The following PEG3 variants were observed in gnomAD, a reference collection of about 807,000 sequenced individuals.
PEG3 encodes the protein paternally expressed 3.
Under a neutral mutation model 35.5 loss-of-function variants are expected in PEG3, and 23 were observed. The observed-to-expected ratio is 0.65, with a 90% CI of 0.47 to 0.92. The LOEUF (loss-of-function observed/expected upper bound fraction) is 0.92, where lower values mean the gene tolerates loss of function less well. PEG3 is among the 40% of genes least tolerant of loss of function. PEG3 has a pLI of 0.00. For missense variants in PEG3, 1,960 were observed against 1,985.3 expected (o/e 0.99, Z 0.24); for synonymous variants, 707 against 697.0 (o/e 1.01, Z -0.23).
chr19:56,838,895 G>C (rs982858172), intron 1 of PEG3, among the ~76,000 whole-genome samples: 1 of 152,124 alleles, frequency 6.6e-6, no homozygotes, highest in Non-Finnish European at 1.5e-5. Flanking sequence ...AACCGCAGCC[G>C]CCCCGATCAA....
intron 8 of PEG3, 124 bp downstream of exon 8, chr19:56,818,476 T>A: frequency 9.5e-7 from 1 of 1,048,078 alleles, no homozygotes; most frequent in Non-Finnish European, 1.4e-6. Context: ...CTTTCAAAGA[T>A]TTCTTATTAC....
chr19:56,829,240 A>T (rs113103167), intron 2 of PEG3, among the ~76,000 whole-genome samples: 5,796 of 151,264 alleles, frequency 0.038, 357 homozygotes, highest in African/African-American at 0.13. Context: ...GCTACTCAGG[A>T]GGCTGAGGCA....
rs1367219008 is a variant in PEG3, at chr19:56,821,644, A to G, written c.669+7T>C. The G allele has an allele frequency of 1.2e-6, 2 of 1,613,566 alleles. No individual in the cohort carries two copies. Among genetic ancestry groups the G allele is most frequent in the Non-Finnish European group, 1.7e-6 (2 of 1,179,896 alleles). ...CCTTTCTAGAAAGAGAGGAAACCTG[A>G]GCATACCTGAGATCGGGACTCATAA... On this transcript the variant is annotated splice_region_variant and intron_variant, in intron 7 of 9. Coordinates refer to ENST00000326441, the MANE Select transcript of PEG3 (RefSeq NM_006210.3).
chr19:56,822,655 A>G, intron 6 of PEG3, 98 bp downstream of exon 6: 1 of 1,501,890 alleles, frequency 6.7e-7, no homozygotes, highest in Non-Finnish European at 9.1e-7. Context: ...CTCCAAATGG[A>G]GCAGCAGAAA....
chr19:56,825,699 T>C (rs1375265202), intron 3 of PEG3, among the ~76,000 whole-genome samples: 3 of 152,124 alleles, frequency 2.0e-5, no homozygotes, highest in Non-Finnish European at 4.4e-5. Context: ...GGGAAAGAAA[T>C]CTAGGTCTGG....
chr19:56,840,142 G>C (rs2062829976), intron 1 of PEG3, among the ~76,000 whole-genome samples: 1 of 152,186 alleles, frequency 6.6e-6, no homozygotes, highest in Non-Finnish European at 1.5e-5. Flanking sequence ...GGGCTCCCGA[G>C]AGCCGCATTC....
intron 2 of PEG3, among the ~76,000 whole-genome samples, chr19:56,832,213 C>T (rs1476844809): frequency 2.0e-5 from 3 of 152,200 alleles, no homozygotes; most frequent in Admixed American, 6.5e-5. Context: ...ATTACTGTTT[C>T]CTAGCGTGTT....
chr19:56,823,835 AC>A (rs2060748335), intron 4 of PEG3, among the ~76,000 whole-genome samples, 156 bp from the exon 5 acceptor site: 1 of 151,844 alleles, frequency 6.6e-6, no homozygotes, highest in African/African-American at 2.4e-5. Context: ...GCGGCTTCCA[AC>A]CACTCCTGGC....
chr19:56,831,796 G>T, intron 2 of PEG3, among the ~76,000 whole-genome samples: 1 of 152,124 alleles, frequency 6.6e-6, no homozygotes, highest in East Asian at 1.9e-4. Flanking sequence ...CACACCCACT[G>T]GTTAACTTTG....
chr19:56,826,701 T>TA (rs1464180174), intron 2 of PEG3, among the ~76,000 whole-genome samples: 1 of 152,152 alleles, frequency 6.6e-6, no homozygotes, highest in Non-Finnish European at 1.5e-5. Flanking sequence ...AAGACAAAGA[T>TA]ATCACTAAGA....
At position 56,810,165 on chromosome 19, in the gene PEG3, C is replaced by A; in HGVS notation, c.*3510G>T. On this transcript the variant is annotated 3_prime_UTR_variant, in exon 10 of 10. Coordinates refer to ENST00000326441, the MANE Select transcript of PEG3 (RefSeq NM_006210.3). ...TATTAACAAACCAAAAACCTGTGCA[C>A]AGAAACAAGATGAAGAAAATATATC... 1.0e-6 allele frequency: 1 copy of A among 980,752 alleles called. No homozygotes were observed. The highest frequency in any genetic ancestry group is 4.7e-5 in the South Asian group (1 of 21,202). 60.8% of individuals were successfully genotyped at this position (980,752 alleles called of 1,614,324 possible). A position where few individuals can be genotyped will look rare whatever the true frequency, so the allele number is the denominator to read the frequency against.
chr19:56,816,738 A>G lies in PEG3; in HGVS notation c.1704T>C (p.Cys568=). The change falls in exon 10 of 10, where the codon TGT becomes TGC. Residue 568 remains cysteine (C), a synonymous_variant. Coordinates refer to ENST00000326441, the MANE Select transcript of PEG3 (RefSeq NM_006210.3). ...GKDKFYECRV[C]KETFLHSSAL... ...CAGAACTATGAAGGAAGGTTTCCTT[A>G]CACACCCTGCACTCGTAGAATTTGT... 2 of 1,614,154 alleles carry G rather than the reference A, an allele frequency of 1.2e-6. No individual in the cohort carries two copies. The highest frequency in any genetic ancestry group is 1.7e-6 in the Non-Finnish European group (2 of 1,180,018).
chr19:56,821,904 G>T, intron 6 of PEG3, 150 bp from the exon 7 acceptor site: 2 of 827,688 alleles, frequency 2.4e-6, no homozygotes, highest in Non-Finnish European at 3.8e-6. Flanking sequence ...AGCCTCTGAG[G>T]AGTCCCATAA....
Position 56,815,676 on chromosome 19 carries a change from G to A in PEG3, c.2766C>T (p.Phe922=), listed in dbSNP as rs200041700. The stretch of plus-strand genomic sequence containing the variant: ...CACGGACATTTGAGCTGGGAACAGA[G>A]AATTCGCCATCCTTCTTAAACTCAC... ...GSGEFKKDGE[F]SVPSSNVREY... Residue 922 remains phenylalanine, a synonymous_variant, in exon 10 of 10, where the codon TTC becomes TTT. Transcript: ENST00000326441. The A allele has an allele frequency of 6.2e-7, 1 of 1,614,164 alleles. No individual in the cohort carries two copies. The highest frequency in any genetic ancestry group is 2.2e-5 in the East Asian group (1 of 44,894).
Position 56,815,639 on chromosome 19 carries a change from C to T in PEG3, c.2803G>A (p.Ala935Thr), listed in dbSNP as rs769939656. The T allele has an allele frequency of 6.2e-7, 1 of 1,614,128 alleles. No individual in the cohort carries two copies. Among genetic ancestry groups the T allele is most frequent in the African/African-American group, 1.3e-5 (1 of 75,026 alleles). ...TCAATGTATTTCTTTTTAGCACGAGCCTTCTGGTATTCACGGACATTTGAG... is the reference window on the plus strand; with the variant it reads ...TCAATGTATTTCTTTTTAGCACGAGTCTTCTGGTATTCACGGACATTTGAG... ...PSSNVREYQK[A>T]RAKKKYIEHR... The change falls in exon 10 of 10, where the codon GCT becomes ACT. Residue 935 changes from alanine (A) to threonine (T), a missense_variant. Transcript: ENST00000326441.
chr19:56,810,559 T>C lies in PEG3; in HGVS notation c.*3116A>G. 1 of 941,884 alleles carries C rather than the reference T, an allele frequency of 1.1e-6. No individual in the cohort carries two copies. Among genetic ancestry groups the C allele is most frequent in the Non-Finnish European group, 1.3e-6 (1 of 790,356 alleles). The allele number at this position is 941,884 out of a possible 1,614,324, so 58.3% of individuals were successfully genotyped here. A position where few individuals can be genotyped will look rare whatever the true frequency, so the allele number is the denominator to read the frequency against. On this transcript the variant is annotated 3_prime_UTR_variant, in exon 10 of 10. Transcript: ENST00000326441. ...TCTTTACTGAATTTCCAAAGTTTTG[T>C]ATGAGTATGTATTATATTTGTAATG... is the stretch of plus-strand genomic sequence containing the variant.
At position 56,815,629 on chromosome 19, in the gene PEG3, T is replaced by C; in HGVS notation, c.2813A>G (p.Lys938Arg). Reference sequence around the variant, plus strand: ...GCTCCTATGCTCAATGTATTTCTTTTTAGCACGAGCCTTCTGGTATTCACG... The same window carrying C: ...GCTCCTATGCTCAATGTATTTCTTTCTAGCACGAGCCTTCTGGTATTCACG... ...NVREYQKARAKKKYIEHRSNE... is the reference protein window; with the variant it reads ...NVREYQKARARKKYIEHRSNE... Residue 938 changes from lysine (K) to arginine (R), a missense_variant, in exon 10 of 10, where the codon AAA (lysine) becomes AGA (arginine). Lys to Arg is a conservative substitution (Grantham distance 26, BLOSUM62 2). This residue lies in a region of PEG3 where 798 missense variants were observed against 782.4 expected (regional missense o/e 1.02). Coordinates refer to ENST00000326441, the MANE Select transcript of PEG3 (RefSeq NM_006210.3). 6.2e-7 allele frequency: 1 copy of C among 1,614,146 alleles called. No individual in the cohort carries two copies. The highest frequency in any genetic ancestry group is 8.5e-7 in the Non-Finnish European group (1 of 1,180,032).
rs2059999629 is a variant in PEG3, at chr19:56,816,601, AGGGCT to A, written c.1836_1840del (p.Ala613Ter). ...ACCATACATTTTCTGAAACTCATTA[AGGGCT>A]GGGCTGGGCCTAAAGGTTTCCCCGC... On this transcript the variant is annotated frameshift_variant, in exon 10 of 10. Coordinates refer to ENST00000326441, the MANE Select transcript of PEG3 (RefSeq NM_006210.3). LOFTEE classifies it low-confidence loss of function (END_TRUNC). The A allele has an allele frequency of 6.2e-7, 1 of 1,613,978 alleles. No individual in the cohort carries two copies. Among genetic ancestry groups the A allele is most frequent in the Non-Finnish European group, 8.5e-7 (1 of 1,179,928 alleles).
chr19:56,820,093 T>C (rs891117947), intron 7 of PEG3, among the ~76,000 whole-genome samples: 3 of 152,210 alleles, frequency 2.0e-5, no homozygotes, highest in Non-Finnish European at 4.4e-5. Context: ...CAGCCCTAAA[T>C]TGGTTGTTCG....
Sources: gnomAD v4.1 joint callset for allele counts (sites outside exome capture counted in the v4.1 genomes callset) on GRCh38, gnomAD v4.1.1 for gene constraint, gnomAD v4.1.1 regional missense constraint, MANE v1.5 for transcripts, NCBI Gene and HGNC (gene_info 2026-07-23, HGNC 2026-07-21) for gene names.